MARK1: variants seen among roughly 807,000 people sequenced by gnomAD.
MARK1 encodes the protein microtubule affinity regulating kinase 1, also known as serine/threonine-protein kinase MARK1.
A neutral mutation model predicts 96.3 loss-of-function variants in MARK1; 40 were observed. The ratio of observed to expected loss-of-function variants is 0.42; its 90% CI spans 0.32 to 0.54. The LOEUF is 0.54. Among genes scored for constraint, MARK1 ranks in the 20% least tolerant of loss-of-function variants. MARK1 has a pLI of 0.16. For missense variants in MARK1, 719 were observed against 984.6 expected, an observed-to-expected ratio of 0.73 and a Z score of 3.61; for synonymous variants, 317 against 341.2, an observed-to-expected ratio of 0.93 and a Z score of 0.78.
intron 13 of MARK1, 85 bp downstream of exon 13, chr1:220,636,111 A>T: frequency 1.1e-6 from 1 of 938,008 alleles, no homozygotes; most frequent in Admixed American, 3.4e-5. Flanking sequence ...TCATTTTTTT[A>T]AATGATTGAA....
At position 220,662,250 on chromosome 1, in the gene MARK1, T is replaced by C; in HGVS notation, c.*84T>C. The C allele has an allele frequency of 9.8e-7, 1 of 1,025,152 alleles. No homozygotes were observed. The highest frequency in any genetic ancestry group is 1.4e-6 in the Non-Finnish European group (1 of 704,766). The allele number at this position is 1,025,152 out of a possible 1,614,324, so 63.5% of individuals were successfully genotyped here. On this transcript the variant is annotated 3_prime_UTR_variant, in exon 18 of 18. Coordinates refer to ENST00000366917, the MANE Select transcript of MARK1 (RefSeq NM_018650.5). ...AATGTACTGGTAATGCCTAATGTGG[T>C]CTGCCTGTGAATCTCCCCATGTAGA...
At chr1:220,555,418 T>C (rs569967479) in intron 1 of MARK1, among the ~76,000 whole-genome samples, 1 of 152,158 alleles carries the variant, frequency 6.6e-6, no homozygotes, top group South Asian at 2.1e-4. Context: ...CAGAGAAAAT[T>C]GTTGGGAGGT....
chr1:220,634,959 G>C (rs17008126), intron 11 of MARK1, among the ~76,000 whole-genome samples: 2,435 of 152,214 alleles, frequency 0.016, 75 homozygotes, highest in African/African-American at 0.056. Context: ...GAATCTCAGT[G>C]ATGCCCCTTA....
intron 1 of MARK1, among the ~76,000 whole-genome samples, chr1:220,563,349 A>G (rs1020140493): frequency 3.6e-4 from 55 of 152,246 alleles, no homozygotes; most frequent in Non-Finnish European, 3.8e-4. Flanking sequence ...ACATTTATTG[A>G]ATGCTTAGTA....
chr1:220,528,627 C>T lies in MARK1; in HGVS notation c.-196C>T, dbSNP rs565356469. ...ACCCCGGCGGCGCCGCCGCGGGAAG[C>T]GGCTCCCCCTCCTCTTCCTCCGCGT... On this transcript the variant is annotated 5_prime_UTR_variant, in exon 1 of 18. Transcript: ENST00000366917. The T allele has an allele frequency of 1.4e-4, 68 of 495,222 alleles. 1 individual carries two copies. The highest frequency in any genetic ancestry group is 1.3e-3 in the African/African-American group (63 of 48,784). The allele number at this position is 495,222 out of a possible 1,614,324, so 30.7% of individuals were successfully genotyped here. A position where few individuals can be genotyped will look rare whatever the true frequency, so the allele number is the denominator to read the frequency against.
intron 1 of MARK1, among the ~76,000 whole-genome samples, chr1:220,572,713 A>G (rs530556483): frequency 1.3e-5 from 2 of 152,276 alleles, no homozygotes; most frequent in African/African-American, 2.4e-5. Context: ...GAGATGGAAA[A>G]ATGTGTACTG....
intron 6 of MARK1, among the ~76,000 whole-genome samples, chr1:220,607,196 G>A (rs889754091): frequency 2.8e-4 from 42 of 151,946 alleles, no homozygotes; most frequent in African/African-American, 7.2e-4. Context: ...CTTTTATTTC[G>A]TTGAGCAGTG....
At chr1:220,545,143 T>C (rs952871918) in intron 1 of MARK1, among the ~76,000 whole-genome samples, 1 of 152,006 alleles carries the variant, frequency 6.6e-6, no homozygotes. Flanking sequence ...GAAAGTTGAG[T>C]TGGTGGGAAG....
chr1:220,636,425 T>C (rs1667969517), intron 13 of MARK1, among the ~76,000 whole-genome samples: 1 of 152,026 alleles, frequency 6.6e-6, no homozygotes, highest in Non-Finnish European at 1.5e-5. Context: ...AATTATATAA[T>C]GGGAACTAGA....
chr1:220,587,536 T>C (rs1187077108), intron 3 of MARK1, among the ~76,000 whole-genome samples: 1 of 151,560 alleles, frequency 6.6e-6, no homozygotes, highest in East Asian at 1.9e-4. Flanking sequence ...GCCCAGCTAA[T>C]TTTTTGTATT....
intron 9 of MARK1, chr1:220,625,787 C>T (rs149024777): frequency 7.7e-5 from 35 of 454,186 alleles, no homozygotes; most frequent in Admixed American, 4.3e-4. Flanking sequence ...ACTACTACGA[C>T]GGGGATGTTG....
At chr1:220,554,631 C>T (rs1489303428) in intron 1 of MARK1, among the ~76,000 whole-genome samples, 1 of 152,154 alleles carries the variant, frequency 6.6e-6, no homozygotes, top group African/African-American at 2.4e-5. Context: ...TGTTTCTTTA[C>T]TAACAGTTAT....
chr1:220,645,855 C>A (rs1308229006), intron 13 of MARK1, among the ~76,000 whole-genome samples: 2 of 152,112 alleles, frequency 1.3e-5, no homozygotes, highest in African/African-American at 4.8e-5. Flanking sequence ...AATTCAACAT[C>A]CCTTCATGTT....
intron 1 of MARK1, among the ~76,000 whole-genome samples, chr1:220,569,920 G>A (rs1057069180): frequency 6.6e-6 from 1 of 151,948 alleles, no homozygotes; most frequent in Non-Finnish European, 1.5e-5. Flanking sequence ...CTTTGTACCT[G>A]TTCTGTATCT....
At position 220,528,748 on chromosome 1, in the gene MARK1, T is replaced by A; in HGVS notation, c.-75T>A. 1 of 1,421,152 alleles carries A rather than the reference T, an allele frequency of 7.0e-7. No individual in the cohort carries two copies. Among genetic ancestry groups the A allele is most frequent in the Non-Finnish European group, 9.6e-7 (1 of 1,046,166 alleles). The allele number at this position is 1,421,152 out of a possible 1,614,324, so 88.0% of individuals were successfully genotyped here. A position where few individuals can be genotyped will look rare whatever the true frequency, so the allele number is the denominator to read the frequency against. On this transcript the variant is annotated 5_prime_UTR_variant, in exon 1 of 18. Coordinates refer to ENST00000366917, the MANE Select transcript of MARK1 (RefSeq NM_018650.5). ...GGCCTTGTGCTCGCGTCCGCACCCC[T>A]TTCCTGTCGCCCCCCGGGGCCCGCA...
intron 10 of MARK1, among the ~76,000 whole-genome samples, chr1:220,631,655 A>G (rs1204930669): frequency 6.6e-6 from 1 of 152,120 alleles, no homozygotes; most frequent in Admixed American, 6.6e-5. Flanking sequence ...CAAAGCCATC[A>G]TTTAGTCTCA....
intron 11 of MARK1, among the ~76,000 whole-genome samples, chr1:220,633,534 A>G (rs1667786929): frequency 6.6e-6 from 1 of 152,210 alleles, no homozygotes; most frequent in Non-Finnish European, 1.5e-5. Context: ...TCTGCTCTCA[A>G]GGAGCCCTTA....
intron 9 of MARK1, among the ~76,000 whole-genome samples, chr1:220,629,366 T>G (rs1382431188): frequency 1.9e-4 from 29 of 152,008 alleles, no homozygotes; most frequent in African/African-American, 6.5e-4. Context: ...TTTTTTTTTT[T>G]TTGGTGGTGG....
chr1:220,542,129 A>G (rs763237293), intron 1 of MARK1, among the ~76,000 whole-genome samples: 8 of 152,088 alleles, frequency 5.3e-5, no homozygotes, highest in Non-Finnish European at 1.2e-4. Context: ...TTTTAATTTC[A>G]TTTATCATAT....
Sources: allele counts gnomAD v4.1 joint callset (sites outside exome capture counted in the v4.1 genomes callset), GRCh38; gene constraint gnomAD v4.1.1; transcripts MANE v1.5; gene names NCBI Gene and HGNC (gene_info 2026-07-23, HGNC 2026-07-21).